Variants in DIDO1 observed in about 807,000 individuals in gnomAD.
The protein encoded by DIDO1 is death-inducer obliterator 1.
A neutral mutation model predicts 99.4 loss-of-function variants in DIDO1; 16 were observed. The observed-to-expected ratio is 0.16, with a 90% confidence interval of 0.11 to 0.24. The LOEUF is 0.24. Ranked by LOEUF, DIDO1 falls within the 10% of genes least tolerant of loss-of-function variation. DIDO1 has a pLI of 1.00. For missense variants in DIDO1, 2,996 were observed against 3,014.0 expected, an observed-to-expected ratio of 0.99 and a Z score of 0.14; for synonymous variants, 1,366 against 1,239.1, an observed-to-expected ratio of 1.10 and a Z score of -2.15.
At chr20:62,908,276 C>T (rs1302018312) in intron 4 of DIDO1, among the ~76,000 whole-genome samples, 4 of 152,170 alleles carry the variant, frequency 2.6e-5, no homozygotes, top group South Asian at 2.1e-4. Context: ...CCACAGCACC[C>T]GGCCAGACAC....
Position 62,909,966 on chromosome 20 carries a change from G to A in DIDO1, c.894C>T (p.Gly298=). The A allele has an allele frequency of 6.2e-7, 1 of 1,613,034 alleles. No homozygotes were observed. Among genetic ancestry groups the A allele is most frequent in the Admixed American group, 1.7e-5 (1 of 60,016 alleles). Reference sequence around the variant, plus strand: ...AAAGCCTCCCTCGAGCCTCAGAAATGCCCACACAATCGCCATGAAACCATT... The same window carrying A: ...AAAGCCTCCCTCGAGCCTCAGAAATACCCACACAATCGCCATGAAACCATT... ...CEEWFHGDCV[G]ISEARGRLLE... Residue 298 remains glycine (G), a synonymous_variant, in exon 4 of 16, where the codon GGC becomes GGT. Transcript: ENST00000395343.
intron 6 of DIDO1, among the ~76,000 whole-genome samples, chr20:62,903,944 G>A (rs2064743138): frequency 6.6e-6 from 1 of 152,186 alleles, no homozygotes; most frequent in South Asian, 2.1e-4. Flanking sequence ...CAGTGCAGGA[G>A]GCAGGCAGGA....
At chr20:62,929,757 T>C (rs1266297573), upstream of DIDO1, among the ~76,000 whole-genome samples, 1 of 103,520 alleles carries the variant, frequency 9.7e-6, no homozygotes, top group African/African-American at 5.3e-5. Context: ...GCCACTGTTT[T>C]GTTTTTTTTT....
chr20:62,883,564 C>T (rs189859536), intron 15 of DIDO1, among the ~76,000 whole-genome samples: 102 of 152,144 alleles, frequency 6.7e-4, no homozygotes, highest in African/African-American at 2.3e-3. Flanking sequence ...CGGTGGCTCA[C>T]GCCTGTAATC....
At chr20:62,927,528 G>T (rs1463646232), upstream of DIDO1, among the ~76,000 whole-genome samples, 1 of 152,228 alleles carries the variant, frequency 6.6e-6, no homozygotes, top group South Asian at 2.1e-4. Flanking sequence ...GGACCTGGGG[G>T]GGGTGGAGGT....
chr20:62,900,730 T>C (rs932539228), intron 6 of DIDO1, among the ~76,000 whole-genome samples: 6 of 152,342 alleles, frequency 3.9e-5, no homozygotes, highest in African/African-American at 1.4e-4. Flanking sequence ...TGGCCTGCCC[T>C]GTCGCGGTAC....
chr20:62,909,655 T>A (rs1267662170), intron 4 of DIDO1, 44 bp downstream of exon 4: 1 of 1,598,022 alleles, frequency 6.3e-7, no homozygotes, highest in Non-Finnish European at 8.5e-7. Flanking sequence ...CTGAAACCAG[T>A]GAGGCCGACT....
In DIDO1 at chr20:62,880,277, T is replaced by C. The variant is rs2147342605; in HGVS notation, c.5679A>G (p.Arg1893=). The change falls in exon 16 of 16, where the codon AGA becomes AGG. Residue 1893 remains arginine (R), a synonymous_variant. Transcript: ENST00000395343. ...GGAPFQFGGQ[R]RPLLSQLKGP... ...CTTTCAGCTGAGACAGCAGTGGCCT[T>C]CTCTGGCCTCCGAACTGGAAAGGCG... 13 of 1,612,710 alleles carry C rather than the reference T, an allele frequency of 8.1e-6. No homozygotes were observed. The highest frequency in any genetic ancestry group is 1.1e-5 in the Non-Finnish European group (13 of 1,179,944).
chr20:62,882,650 G>C (rs2064231253), intron 15 of DIDO1, among the ~76,000 whole-genome samples: 1 of 152,158 alleles, frequency 6.6e-6, no homozygotes, highest in Admixed American at 6.5e-5. Flanking sequence ...CACCAACCCA[G>C]TCCTCCCGGA....
chr20:62,913,914 T>C (rs1466161958), intron 2 of DIDO1, among the ~76,000 whole-genome samples: 1 of 152,262 alleles, frequency 6.6e-6, no homozygotes, highest in Admixed American at 6.5e-5. Context: ...CATCTCTAGA[T>C]TACATCATAG....
intron 1 of DIDO1, chr20:62,937,752 C>T: frequency 2.5e-6 from 1 of 398,110 alleles, no homozygotes; most frequent in African/African-American, 2.1e-5. Flanking sequence ...TCCCCCGCCC[C>T]ACCCCGTGCG....
chr20:62,924,460 G>A (rs1466089720), intron 1 of DIDO1, among the ~76,000 whole-genome samples: 2 of 152,138 alleles, frequency 1.3e-5, no homozygotes, highest in South Asian at 4.1e-4. Context: ...ATGAAGACGT[G>A]GCACAGCTTA....
Position 62,894,731 on chromosome 20 carries a change from C to A in DIDO1, c.2436+79G>T. On this transcript the variant is annotated intron_variant, in intron 10 of 15. Coordinates refer to ENST00000395343, the MANE Select transcript of DIDO1 (RefSeq NM_001193369.2). This position sits in a 1 kb window ranked among gnomAD's most constrained non-coding sequence, Gnocchi z 4.4. ...ACCTGCTGTAAGCTCAGGTCCTGCCCAATAATTTAAGATAACCTCAAAACA... is the reference window on the plus strand; with the variant it reads ...ACCTGCTGTAAGCTCAGGTCCTGCCAAATAATTTAAGATAACCTCAAAACA... The A allele has an allele frequency of 6.7e-7, 1 of 1,494,354 alleles. No individual in the cohort carries two copies. Among genetic ancestry groups the A allele is most frequent in the South Asian group, 1.2e-5 (1 of 82,620 alleles). 92.6% of individuals were successfully genotyped at this position (1,494,354 alleles called of 1,614,324 possible).
At chr20:62,892,187 T>C in intron 13 of DIDO1, 111 bp from the exon 14 acceptor site, 1 of 886,036 alleles carries the variant, frequency 1.1e-6, no homozygotes, top group Non-Finnish European at 1.7e-6. Flanking sequence ...ACTACAGCTA[T>C]TCCAAGGAAA....
intron 6 of DIDO1, among the ~76,000 whole-genome samples, chr20:62,901,586 A>G (rs894281983): frequency 6.6e-6 from 1 of 152,196 alleles, no homozygotes; most frequent in African/African-American, 2.4e-5. Flanking sequence ...CTCCAGTCCT[A>G]AAGGGCCATA....
intron 6 of DIDO1, among the ~76,000 whole-genome samples, chr20:62,898,588 C>T (rs1013047872): frequency 1.3e-5 from 2 of 152,226 alleles, no homozygotes; most frequent in African/African-American, 4.8e-5. Context: ...GTATTTTCAT[C>T]TTAGGACCCT....
intron 6 of DIDO1, among the ~76,000 whole-genome samples, chr20:62,900,416 G>C (rs190481056): frequency 6.6e-6 from 1 of 152,188 alleles, no homozygotes; most frequent in Admixed American, 6.5e-5. Context: ...GTGCTACAGC[G>C]CCTCTGGCCA....
At chr20:62,901,499 TTATC>T (rs2064679782) in intron 6 of DIDO1, among the ~76,000 whole-genome samples, 2 of 152,120 alleles carry the variant, frequency 1.3e-5, no homozygotes, top group South Asian at 2.1e-4. Flanking sequence ...AATTTAACCT[TTATC>T]TAAGTTGTTT....
At position 62,892,913 on chromosome 20, in the gene DIDO1, A is replaced by T; in HGVS notation, c.3151T>A (p.Ser1051Thr). 1 of 1,614,114 alleles carries T rather than the reference A, an allele frequency of 6.2e-7. No homozygotes were observed. Among genetic ancestry groups the T allele is most frequent in the Non-Finnish European group, 8.5e-7 (1 of 1,179,970 alleles). ...CCTTTCCAAATGGTGCTGAGTCGAG[A>T]CAAAAAGAGGGTCGTGTCTCCCTCT... ...PPEGDTTLFL[S>T]RLSTIWKGFI... The change falls in exon 13 of 16, where the codon TCT (serine) becomes ACT (threonine). Residue 1051 changes from serine (S) to threonine (T), a missense_variant. Ser to Thr is a moderately conservative substitution (Grantham distance 58). Coordinates refer to ENST00000395343, the MANE Select transcript of DIDO1 (RefSeq NM_001193369.2).
Sources: gnomAD v4.1 joint callset for allele counts (sites outside exome capture counted in the v4.1 genomes callset) on GRCh38, gnomAD v4.1.1 for gene constraint, Gnocchi (gnomAD v3.1) non-coding constraint, MANE v1.5 for transcripts, NCBI Gene and HGNC (gene_info 2026-07-23, HGNC 2026-07-21) for gene names.